The following LDHA variants were observed in gnomAD, a reference collection of about 807,000 sequenced individuals.
LDHA encodes the protein L-lactate dehydrogenase A chain.
In LDHA, 10 loss-of-function variants were observed where a neutral mutation model predicts 36.3. The observed-to-expected ratio is 0.28, with a 90% CI of 0.17 to 0.47. LDHA has a LOEUF of 0.47. Ranked by LOEUF, LDHA falls within the 20% of genes least tolerant of loss-of-function variation. The pLI is 0.99. For synonymous variants in LDHA, 110 were observed against 136.7 expected (o/e 0.80, Z 1.36); for missense variants, 267 against 405.8 (o/e 0.66, Z 2.94).
chr11:18,397,006 GACCC>G, intron 2 of LDHA, 38 bp downstream of exon 2: 1 of 1,598,284 alleles, frequency 6.3e-7, no homozygotes, highest in East Asian at 2.2e-5. Context: ...CCCATACCTT[GACCC>G]CATCCTCTAC....
At position 18,403,024 on chromosome 11, in the gene LDHA, G is replaced by A; in HGVS notation, c.592+11G>A. 4.3e-6 allele frequency: 7 copies of A among 1,611,444 alleles called. No individual in the cohort carries two copies. Among genetic ancestry groups the A allele is most frequent in the South Asian group, 1.1e-5 (1 of 90,982 alleles). Reference sequence around the variant, plus strand: ...ATGGAGATTCCAGTGGTAAGCATAAGTTATTTTCTTTTTGTTTTTGAAAAG... The same window carrying A: ...ATGGAGATTCCAGTGGTAAGCATAAATTATTTTCTTTTTGTTTTTGAAAAG... On this transcript the variant is annotated intron_variant, in intron 5 of 7. Transcript: ENST00000422447.
chr11:18,406,284 T>A (rs1455181904), intron 7 of LDHA, among the ~76,000 whole-genome samples: 1 of 151,916 alleles, frequency 6.6e-6, no homozygotes, highest in African/African-American at 2.4e-5. Flanking sequence ...TTTTAAAATC[T>A]TCATAATTAG....
chr11:18,405,212 C>G (rs1226167802), intron 6 of LDHA, among the ~76,000 whole-genome samples: 2 of 151,842 alleles, frequency 1.3e-5, no homozygotes, highest in African/African-American at 4.8e-5. Flanking sequence ...ATGATTTATC[C>G]ATTCTTCTGT....
Position 18,397,053 on chromosome 11 carries a change from A to G in LDHA, c.126+85A>G, listed in dbSNP as rs1590211700. Reference sequence around the variant, plus strand: ...CCTACCCCTAGAACTGTATTATTACATTTCATGTAACAGTATTTAGATTTA... The same window carrying G: ...CCTACCCCTAGAACTGTATTATTACGTTTCATGTAACAGTATTTAGATTTA... On this transcript the variant is annotated intron_variant, in intron 2 of 7. Transcript: ENST00000422447. 13 of 1,212,962 alleles carry G rather than the reference A, an allele frequency of 1.1e-5. No individual in the cohort carries two copies. The East Asian group carries it at 2.4e-4, about 22-fold the overall frequency. 75.1% of individuals were successfully genotyped at this position (1,212,962 alleles called of 1,614,324 possible).
chr11:18,395,919 C>G (rs1489131100), intron 1 of LDHA, among the ~76,000 whole-genome samples: 1 of 152,256 alleles, frequency 6.6e-6, no homozygotes. Flanking sequence ...CCGTGCGCCT[C>G]CCTCCCGGTT....
At chr11:18,405,413 TTTTTCTGCCTTTACC>T (rs1866650753) in intron 6 of LDHA, 21 bp from the exon 7 acceptor site, 1 of 1,610,098 alleles carries the variant, frequency 6.2e-7, no homozygotes, top group African/African-American at 1.3e-5. Flanking sequence ...CCCACCCTGC[TTTTTCTGCCTTTACC>T]TATGGTTTCC....
rs569026251 is a variant in LDHA at position 18,399,725 on chromosome 11, A to C, written c.244+177A>C. On this transcript the variant is annotated intron_variant, in intron 3 of 7. Transcript: ENST00000422447. ...CATTACCCCCTCCCCCTCACAAAGA[A>C]ACTGGGACTATAGGGTATGCTACCA... is the stretch of plus-strand genomic sequence containing the variant. 9.4e-4 allele frequency: 598 copies of C among 633,986 alleles called. 5 individuals are homozygous for C. Among genetic ancestry groups the C allele is most frequent in the African/African-American group, 8.3e-3 (459 of 55,088 alleles). The allele number at this position is 633,986 out of a possible 1,614,324, so 39.3% of individuals were successfully genotyped here.
intron 5 of LDHA, among the ~76,000 whole-genome samples, chr11:18,403,364 T>C (rs1282537776): frequency 6.6e-6 from 1 of 152,174 alleles, no homozygotes; most frequent in Non-Finnish European, 1.5e-5. Flanking sequence ...AAAGTTATAT[T>C]ATCACAGTTG....
intron 3 of LDHA, chr11:18,400,154 C>T (rs1866430307): frequency 5.7e-6 from 1 of 176,638 alleles, no homozygotes; most frequent in Non-Finnish European, 1.2e-5. Flanking sequence ...CACATCCTTT[C>T]ACACACGAAG....
chr11:18,400,286 G>GA, intron 3 of LDHA: 2 of 208,510 alleles, frequency 9.6e-6, no homozygotes, highest in Non-Finnish European at 2.0e-5. Context: ...TTTGATACCT[G>GA]AAAATCACTG....
At chr11:18,397,252 A>G (rs1590211794) in intron 2 of LDHA, 2 of 258,136 alleles carry the variant, frequency 7.7e-6, no homozygotes, top group East Asian at 1.4e-4. Flanking sequence ...GGAAGGGTCC[A>G]TGATTTTAAA....
At chr11:18,404,024 G>A (rs575178047) in intron 6 of LDHA, among the ~76,000 whole-genome samples, 5 of 152,196 alleles carry the variant, frequency 3.3e-5, no homozygotes, top group East Asian at 3.9e-4. Context: ...TCTGCCTCCC[G>A]GGTTCAGGCG....
At chr11:18,405,254 G>A (rs1389551996) in intron 6 of LDHA, among the ~76,000 whole-genome samples, 195 bp from the exon 7 acceptor site, 3 of 152,096 alleles carry the variant, frequency 2.0e-5, no homozygotes. Flanking sequence ...TCATGTTTTT[G>A]CTGTTACTAA....
At chr11:18,405,358 A>G (rs1324831106) in intron 6 of LDHA, 91 bp from the exon 7 acceptor site, 4 of 1,272,228 alleles carry the variant, frequency 3.1e-6, no homozygotes, top group Non-Finnish European at 4.5e-6. Context: ...GGCATTATTT[A>G]CTGTAAAATG....
At chr11:18,396,649 C>CT (rs1160688603) in intron 1 of LDHA, 170 bp from the exon 2 acceptor site, 2 of 1,393,356 alleles carry the variant, frequency 1.4e-6, no homozygotes, top group Admixed American at 6.1e-5. Context: ...GTCATTAGGC[C>CT]TTTCAACTCT....
intron 4 of LDHA, among the ~76,000 whole-genome samples, chr11:18,401,644 A>T (rs565513653): frequency 3.6e-4 from 54 of 150,244 alleles, no homozygotes; most frequent in African/African-American, 1.2e-3. Context: ...CGCCTGGCTA[A>T]TTTTTTGTAT....
chr11:18,396,586 G>A, intron 1 of LDHA: 1 of 1,381,738 alleles, frequency 7.2e-7, no homozygotes, highest in Admixed American at 3.4e-5. Flanking sequence ...ACACCCAAAC[G>A]TCGATATTCC....
chr11:18,397,807 T>C lies in LDHA; in HGVS notation c.126+839T>C, dbSNP rs147563417. On this transcript the variant is annotated intron_variant, in intron 2 of 7. Transcript: ENST00000422447. ...GCCTGGGCGACAGTGAGACTCCATC[T>C]CAAAAAAAAAAATCTGAAGTTAAGA... Among the ~76,000 whole-genome samples the C allele has an allele frequency of 1.5e-3, 224 of 151,284 alleles. 2 individuals are homozygous for C. The highest frequency in any genetic ancestry group is 0.014 in the Middle Eastern group (4 of 294).
chr11:18,400,794 A>T, intron 3 of LDHA, 43 bp from the exon 4 acceptor site: 1 of 1,542,286 alleles, frequency 6.5e-7, no homozygotes, highest in South Asian at 1.1e-5. Context: ...GGTAAAATTT[A>T]TTCTAAAGGC....
Sources: gnomAD v4.1 joint callset for allele counts (sites outside exome capture counted in the v4.1 genomes callset) on GRCh38, gnomAD v4.1.1 for gene constraint, MANE v1.5 for transcripts, NCBI Gene and HGNC (gene_info 2026-07-23, HGNC 2026-07-21) for gene names.